NCKAP5: variants seen among roughly 807,000 people sequenced by gnomAD.
NCKAP5 encodes NCK associated protein 5.
In NCKAP5, 92 loss-of-function variants were observed where a neutral mutation model predicts 167.0. The observed-to-expected ratio is 0.55, with a 90% CI of 0.47 to 0.66. NCKAP5 has a LOEUF of 0.66. Among genes scored for constraint, NCKAP5 ranks in the 30% least tolerant of loss-of-function variants. The pLI, the probability that NCKAP5 is intolerant of heterozygous loss-of-function variation, is 0.00. For synonymous variants in NCKAP5, 891 were observed against 877.4 expected, an observed-to-expected ratio of 1.02 and a Z score of -0.27; for missense variants, 2,378 against 2,315.0, an observed-to-expected ratio of 1.03 and a Z score of -0.56.
chr2:132,714,493 G>A (rs1689164999), intron 19 of NCKAP5, among the ~76,000 whole-genome samples: 1 of 152,184 alleles, frequency 6.6e-6, no homozygotes, highest in South Asian at 2.1e-4. Context: ...CTAATGCTCA[G>A]AAAGGCTGAC....
chr2:133,007,714 C>A (rs1406527754), intron 6 of NCKAP5, among the ~76,000 whole-genome samples: 2 of 152,144 alleles, frequency 1.3e-5, no homozygotes, highest in Non-Finnish European at 2.9e-5. Flanking sequence ...ATTAACAACA[C>A]CCCTTTCAGT....
At chr2:133,614,307 T>C in the NCKAP5 span, among the ~76,000 whole-genome samples, 12 of 142,440 alleles carry the variant, frequency 8.4e-5, no homozygotes, top group Admixed American at 6.9e-4. Flanking sequence ...GAGAATGACT[T>C]TGACAAGCTG....
chr2:133,494,038 C>G (rs1681708636), intron 3 of NCKAP5, among the ~76,000 whole-genome samples: 1 of 152,156 alleles, frequency 6.6e-6, no homozygotes, highest in South Asian at 2.1e-4. Flanking sequence ...AAGTTGGTAG[C>G]CCTTTAACTT....
chr2:133,256,802 G>A (rs2088640157), intron 4 of NCKAP5, among the ~76,000 whole-genome samples: 1 of 152,158 alleles, frequency 6.6e-6, no homozygotes, highest in Admixed American at 6.5e-5. Context: ...TAACATAAAT[G>A]TGCTCAGGTA....
At position 133,089,788 on chromosome 2, in the gene NCKAP5, C is replaced by T. The variant is rs528823485; in HGVS notation, c.341+40190G>A. Among the ~76,000 whole-genome samples, 16 of 152,300 alleles carry T rather than the reference C, an allele frequency of 1.1e-4. 1 individual carries two copies. In the South Asian group the frequency reaches 3.3e-3, roughly 32 times the overall value. On this transcript the variant is annotated intron_variant, in intron 6 of 19. Transcript: ENST00000409261. ...ATAACCATGGCTTTCCTGGTTCCCA[C>T]ATATTAAAAGATCATAACACACCCA...
rs1488322110 is a variant in NCKAP5 at position 132,920,723 on chromosome 2, A to AG, written c.580-41808_580-41807insC. On this transcript the variant is annotated intron_variant, in intron 8 of 19. Transcript: ENST00000409261. ...TATACGTATATGTATATATATGTAT[A>AG]TATATATATGTATATATATGTGTAT... 5.5e-4 allele frequency among the ~76,000 whole-genome samples: 64 copies of AG among 116,436 alleles called. 2 individuals are homozygous for AG. Among genetic ancestry groups the AG allele is most frequent in the African/African-American group, 2.2e-3 (61 of 27,526 alleles). The allele number at this position is 116,436 out of a possible 152,430, so 76.4% of individuals were successfully genotyped here.
At chr2:133,216,569 C>G (rs944858554) in intron 4 of NCKAP5, among the ~76,000 whole-genome samples, 1 of 152,122 alleles carries the variant, frequency 6.6e-6, no homozygotes, top group African/African-American at 2.4e-5. Context: ...CAATTCTAAA[C>G]TTCTACTAGA....
chr2:133,016,845 A>G (rs1369318418), intron 6 of NCKAP5, among the ~76,000 whole-genome samples: 1 of 152,226 alleles, frequency 6.6e-6, no homozygotes, highest in Non-Finnish European at 1.5e-5. Flanking sequence ...TTGATGGGGA[A>G]TTAATAGATG....
intron 19 of NCKAP5, among the ~76,000 whole-genome samples, chr2:132,712,564 A>G (rs2566523): frequency 0.65 from 99,377 of 151,848 alleles, 32,594 homozygotes; most frequent in East Asian, 0.86. Context: ...AGGCAGGAGA[A>G]TGGCGTGAAC....
the NCKAP5 span, among the ~76,000 whole-genome samples, chr2:133,603,073 T>C: frequency 6.6e-6 from 1 of 152,182 alleles, no homozygotes; most frequent in South Asian, 2.1e-4. Flanking sequence ...CCGATGTTTA[T>C]CGGATAGCCA....
intron 8 of NCKAP5, among the ~76,000 whole-genome samples, chr2:132,933,428 G>A (rs1385319906): frequency 6.6e-6 from 1 of 152,138 alleles, no homozygotes; most frequent in African/African-American, 2.4e-5. Context: ...AATGGGAAAT[G>A]GAATTAAATA....
rs559929307 is a variant in NCKAP5, at chr2:133,465,015, T to A, written c.69+52443A>T. The stretch of plus-strand genomic sequence containing the variant: ...TCTGGCACTGCTTTTGCTTTTTTTT[T>A]TTATTATTATACTTTAAGTTTTAGG... On this transcript the variant is annotated intron_variant, in intron 3 of 19. Transcript: ENST00000409261. Among the ~76,000 whole-genome samples, 302 of 152,088 alleles carry A rather than the reference T, an allele frequency of 2.0e-3. 1 individual carries two copies. The highest frequency in any genetic ancestry group is 3.4e-3 in the Middle Eastern group (1 of 292).
At chr2:133,033,863 T>C (rs2078960127) in intron 6 of NCKAP5, among the ~76,000 whole-genome samples, 1 of 151,876 alleles carries the variant, frequency 6.6e-6, no homozygotes, top group East Asian at 1.9e-4. Flanking sequence ...ACCAGACCTA[T>C]GGGATCTAGA....
At chr2:132,999,477 C>CGG (rs2077709036) in intron 6 of NCKAP5, among the ~76,000 whole-genome samples, 1 of 152,166 alleles carries the variant, frequency 6.6e-6, no homozygotes, top group Non-Finnish European at 1.5e-5. Context: ...TTTCCAGTGT[C>CGG]TCAAGAGCTG....
At chr2:133,062,951 G>A (rs187565159) in intron 6 of NCKAP5, among the ~76,000 whole-genome samples, 5 of 152,320 alleles carry the variant, frequency 3.3e-5, no homozygotes, top group African/African-American at 1.2e-4. Flanking sequence ...GCATAAGGAT[G>A]TGAATGTATT....
At chr2:132,804,331 A>G (rs1361847949) in intron 11 of NCKAP5, among the ~76,000 whole-genome samples, 1 of 152,228 alleles carries the variant, frequency 6.6e-6, no homozygotes, top group Non-Finnish European at 1.5e-5. Context: ...TCTAAGAGAC[A>G]CAGAAGTGCC....
intron 19 of NCKAP5, among the ~76,000 whole-genome samples, chr2:132,686,431 C>T (rs535511656): frequency 6.6e-5 from 10 of 152,262 alleles, no homozygotes; most frequent in African/African-American, 9.6e-5. Flanking sequence ...CCCTTGTTGT[C>T]CCTTCATCCC....
At chr2:133,412,095 G>A (rs879888400) in intron 3 of NCKAP5, among the ~76,000 whole-genome samples, 13 of 152,142 alleles carry the variant, frequency 8.5e-5, no homozygotes, top group East Asian at 1.9e-4. Context: ...CGTACTCCCC[G>A]GATTTTATAT....
chr2:133,128,320 G>C (rs2082469503), intron 6 of NCKAP5, among the ~76,000 whole-genome samples: 1 of 152,178 alleles, frequency 6.6e-6, no homozygotes, highest in African/African-American at 2.4e-5. Flanking sequence ...TTATTTTCCT[G>C]ATTTTATAAA....
Sources: gnomAD v4.1 joint callset for allele counts (sites outside exome capture counted in the v4.1 genomes callset) on GRCh38, gnomAD v4.1.1 for gene constraint, MANE v1.5 for transcripts, NCBI Gene and HGNC (gene_info 2026-07-23, HGNC 2026-07-21) for gene names.